The following TPR variants were observed in gnomAD, a reference collection of about 807,000 sequenced individuals.
The protein encoded by TPR is translocated promoter region, nuclear basket protein.
Under a neutral mutation model 316.1 loss-of-function variants are expected in TPR, and 51 were observed. The observed-to-expected ratio is 0.16, with a 90% CI of 0.13 to 0.20. The LOEUF is 0.20. Ranked by LOEUF, TPR falls within the 10% of genes least tolerant of loss-of-function variation. The pLI, the probability that TPR is intolerant of heterozygous loss-of-function variation, is 1.00. For missense variants in TPR, 2,272 were observed against 2,754.8 expected (o/e 0.82, Z 3.92); for synonymous variants, 981 against 914.7 (o/e 1.07, Z -1.31).
intron 15 of TPR, 26 bp downstream of exon 15, chr1:186,356,260 C>T: frequency 6.4e-7 from 1 of 1,551,412 alleles, no homozygotes; most frequent in Non-Finnish European, 8.8e-7. Flanking sequence ...TAAATTATTC[C>T]TTAAAATAAC....
At position 186,355,429 on chromosome 1, in the gene TPR, G is replaced by C. The variant is rs1245340883; in HGVS notation, c.2152C>G (p.Leu718Val). The C allele has an allele frequency of 6.2e-7, 1 of 1,611,196 alleles. No homozygotes were observed. The change falls in exon 17 of 51, where the codon CTA becomes GTA. Residue 718 changes from leucine to valine, a missense_variant. Physicochemically the swap from Leu to Val is conservative, Grantham distance 32. Transcript: ENST00000367478. The part of the protein sequence containing the change: ...RSQNTKISTQ[L>V]DFASKRYEML... ...ACTTACCGTTTAGAAGCAAAATCTA[G>C]CTGGGTAGAAATTTTGGTATTTTGT...
In TPR at chr1:186,351,432, C is replaced by G. The variant is rs1658858401; in HGVS notation, c.2508G>C (p.Arg836Ser). The G allele has an allele frequency of 6.2e-7, 1 of 1,610,590 alleles. No individual in the cohort carries two copies. Among genetic ancestry groups the G allele is most frequent in the Non-Finnish European group, 8.5e-7 (1 of 1,178,536 alleles). ...LERSETETKQRLSSQIEKLEH... is the reference protein window; with the variant it reads ...LERSETETKQSLSSQIEKLEH... ...CCAGTTTTTCTATCTGGCTACTAAG[C>G]CTTTGTTTGGTTTCTGTTTCAGATC... The change falls in exon 20 of 51, where the codon AGG (arginine) becomes AGC (serine). Residue 836 changes from arginine to serine, a missense_variant. Physicochemically the swap from Arg to Ser is moderately radical, Grantham distance 110. Transcript: ENST00000367478.
chr1:186,320,361 T>C lies in TPR; in HGVS notation c.6519A>G (p.Pro2173=). The change falls in exon 46 of 51, where the codon CCA becomes CCG. Residue 2173 remains proline, a synonymous_variant. Coordinates refer to ENST00000367478, the MANE Select transcript of TPR (RefSeq NM_003292.3). ...GATCAGAGTGACTAGAACTTGTTTGTGGCATATCTTCAGGTGGCCCAAACC... is the reference window on the plus strand; with the variant it reads ...GATCAGAGTGACTAGAACTTGTTTGCGGCATATCTTCAGGTGGCCCAAACC... ...RFRFGPPEDM[P]QTSSSHSDLG... 6.2e-7 allele frequency: 1 copy of C among 1,613,360 alleles called. No individual in the cohort carries two copies. The highest frequency in any genetic ancestry group is 1.1e-5 in the South Asian group (1 of 90,996).
At chr1:186,351,505 G>A (rs1375816522) in intron 19 of TPR, 35 bp from the exon 20 acceptor site, 1 of 1,498,484 alleles carries the variant, frequency 6.7e-7, no homozygotes, top group Non-Finnish European at 8.9e-7. Context: ...TTATGCTTAA[G>A]AAAAAGGCAA....
Position 186,362,007 on chromosome 1 carries a change from C to T in TPR, c.790-138G>A, listed in dbSNP as rs1659206893. On this transcript the variant is annotated intron_variant, in intron 7 of 50. Coordinates refer to ENST00000367478, the MANE Select transcript of TPR (RefSeq NM_003292.3). ...CTCAAATTCAAATCAGTCTTCATGACAAAGATAAATTAAGGATAAAATATT... is the reference window on the plus strand; with the variant it reads ...CTCAAATTCAAATCAGTCTTCATGATAAAGATAAATTAAGGATAAAATATT... The T allele has an allele frequency of 6.8e-6, 5 of 738,902 alleles. No homozygotes were observed. In the East Asian group the frequency reaches 1.4e-4, roughly 21 times the overall value. 45.8% of individuals were successfully genotyped at this position (738,902 alleles called of 1,614,324 possible).
intron 36 of TPR, among the ~76,000 whole-genome samples, chr1:186,333,985 C>T (rs1205730469): frequency 6.6e-6 from 1 of 151,978 alleles, no homozygotes; most frequent in Non-Finnish European, 1.5e-5. Context: ...AGCATGTATA[C>T]CACAGAATAA....
chr1:186,355,594 T>A (rs2101979458), intron 16 of TPR, 36 bp from the exon 17 acceptor site: 6 of 1,613,588 alleles, frequency 3.7e-6, no homozygotes, highest in Middle Eastern at 1.7e-4. Context: ...TAACACTGTG[T>A]TCTCTAAAAA....
In TPR at chr1:186,318,614, A is replaced by G; in HGVS notation, c.6665-11T>C. 4 of 1,604,682 alleles carry G rather than the reference A, an allele frequency of 2.5e-6. No homozygotes were observed. Among genetic ancestry groups the G allele is most frequent in the Non-Finnish European group, 3.4e-6 (4 of 1,177,368 alleles). On this transcript the variant is annotated splice_polypyrimidine_tract_variant and intron_variant, in intron 47 of 50. Transcript: ENST00000367478. Reference sequence around the variant, plus strand: ...CAGTAAATACAGTCACTTTAAAAAGACAACACAAGAAAAAGAACTTTAAAA... The same window carrying G: ...CAGTAAATACAGTCACTTTAAAAAGGCAACACAAGAAAAAGAACTTTAAAA...
At position 186,353,863 on chromosome 1, in the gene TPR, A is replaced by G. The variant is rs1658945893; in HGVS notation, c.2172-13T>C. ...CAGCATTTCATAACTGGTATGAAAA[A>G]AGTAATTCTACAAGTAACTGAAATG... On this transcript the variant is annotated splice_polypyrimidine_tract_variant and intron_variant, in intron 17 of 50. Coordinates refer to ENST00000367478, the MANE Select transcript of TPR (RefSeq NM_003292.3). The G allele has an allele frequency of 6.2e-7, 1 of 1,609,670 alleles. No homozygotes were observed. Among genetic ancestry groups the G allele is most frequent in the Non-Finnish European group, 8.5e-7 (1 of 1,178,676 alleles).
intron 45 of TPR, among the ~76,000 whole-genome samples, chr1:186,321,663 G>A (rs997236448): frequency 5.3e-5 from 8 of 152,236 alleles, no homozygotes; most frequent in African/African-American, 1.2e-4. Context: ...TATCATCCGC[G>A]TTAAATCATC....
intron 21 of TPR, among the ~76,000 whole-genome samples, chr1:186,349,710 T>C (rs1203178253): frequency 4.6e-5 from 7 of 151,290 alleles, no homozygotes; most frequent in Non-Finnish European, 1.0e-4. Context: ...AGAAAGATTA[T>C]CAAGACACAA....
Position 186,311,653 on chromosome 1 carries a change from T to C in TPR, c.*2318A>G, listed in dbSNP as rs959104016. The C allele has an allele frequency of 3.3e-6, 5 of 1,515,138 alleles. No homozygotes were observed. The highest frequency in any genetic ancestry group is 3.7e-6 in the Non-Finnish European group (4 of 1,092,772). The allele number at this position is 1,515,138 out of a possible 1,614,324, so 93.9% of individuals were successfully genotyped here. A position where few individuals can be genotyped will look rare whatever the true frequency, so the allele number is the denominator to read the frequency against. ...ACTTTTAAAGAATTACACTCAGCAT[T>C]TTCATTTATTATTGACTTTACTGTC... On this transcript the variant is annotated 3_prime_UTR_variant, in exon 51 of 51. Transcript: ENST00000367478.
chr1:186,362,171 ACT>A (rs200378905), intron 7 of TPR, 115 bp downstream of exon 7: 10,430 of 759,802 alleles, frequency 0.014, 203 homozygotes, highest in South Asian at 0.064. Context: ...TGGAAGGAGG[ACT>A]CTCACTGTTT....
Position 186,375,106 on chromosome 1 carries a change from C to T in TPR, c.-78G>A, listed in dbSNP as rs777820680. 1.3e-6 allele frequency: 2 copies of T among 1,585,122 alleles called. No homozygotes were observed. The highest frequency in any genetic ancestry group is 1.8e-5 in the Admixed American group (1 of 55,048). On this transcript the variant is annotated 5_prime_UTR_variant, in exon 1 of 51. Coordinates refer to ENST00000367478, the MANE Select transcript of TPR (RefSeq NM_003292.3). ...AAGAAAGGCGAAGACCAGCAGGACC[C>T]AGACGCCTGGGCCGCCGCCTCTATC...
At chr1:186,353,296 C>G (rs61810292) in intron 18 of TPR, among the ~76,000 whole-genome samples, 1 of 150,648 alleles carries the variant, frequency 6.6e-6, no homozygotes, top group African/African-American at 2.4e-5. Context: ...GGCGTAAACC[C>G]GGGAGGCGGA....
rs1291970058 is a variant in TPR, at chr1:186,325,870, G to C, written c.6022-16C>G. 1 of 1,608,262 alleles carries C rather than the reference G, an allele frequency of 6.2e-7. No homozygotes were observed. On this transcript the variant is annotated splice_polypyrimidine_tract_variant and intron_variant, in intron 41 of 50. Coordinates refer to ENST00000367478, the MANE Select transcript of TPR (RefSeq NM_003292.3). ...CATCACCACCCTAAAAACAAAACGT[G>C]GTAACATAATGCTCAAATAAAATAA...
At position 186,343,331 on chromosome 1, in the gene TPR, C is replaced by T. The variant is rs957368784; in HGVS notation, c.3745G>A (p.Val1249Ile). 1.9e-6 allele frequency: 3 copies of T among 1,612,290 alleles called. No homozygotes were observed. In the South Asian group the frequency reaches 3.3e-5, roughly 18 times the overall value. Reference sequence around the variant, plus strand: ...TTAAAGCTTAGTATACCTACCTGGACTTTCTCCCTTTCAGCATTTAGACTA... The same window carrying T: ...TTAAAGCTTAGTATACCTACCTGGATTTTCTCCCTTTCAGCATTTAGACTA... The part of the protein sequence containing the change: ...QDSLNAEREK[V>I]QVTAKTMAQH... The change falls in exon 27 of 51, where the codon GTC (valine) becomes ATC (isoleucine). Residue 1249 changes from valine (V) to isoleucine (I), a missense_variant. Physicochemically the swap from Val to Ile is conservative, Grantham distance 29. Coordinates refer to ENST00000367478, the MANE Select transcript of TPR (RefSeq NM_003292.3).
chr1:186,317,163 A>C (rs1557981399), intron 49 of TPR, among the ~76,000 whole-genome samples: 2 of 152,220 alleles, frequency 1.3e-5, no homozygotes, highest in African/African-American at 4.8e-5. Context: ...CACCCACTAC[A>C]ACCCCTGTAG....
At chr1:186,345,299 T>G (rs894136784) in intron 24 of TPR, among the ~76,000 whole-genome samples, 5 of 152,192 alleles carry the variant, frequency 3.3e-5, no homozygotes, top group Non-Finnish European at 7.4e-5. Flanking sequence ...TGAAGGACAA[T>G]AGTAAAATAA....
Sources: allele counts gnomAD v4.1 joint callset (sites outside exome capture counted in the v4.1 genomes callset), GRCh38; gene constraint gnomAD v4.1.1; transcripts MANE v1.5; gene names NCBI Gene and HGNC (gene_info 2026-07-23, HGNC 2026-07-21).